PRKDC: variants seen among roughly 807,000 people sequenced by gnomAD.
The protein encoded by PRKDC is DNA-dependent protein kinase catalytic subunit.
Under a neutral mutation model 486.9 loss-of-function variants are expected in PRKDC, and 82 were observed. The observed-to-expected ratio is 0.17, with a 90% CI of 0.14 to 0.20. The LOEUF (loss-of-function observed/expected upper bound fraction) is 0.20, where lower values mean the gene tolerates loss of function less well. Ranked by LOEUF, PRKDC falls within the 10% of genes least tolerant of loss-of-function variation. The pLI, the probability that PRKDC is intolerant of heterozygous loss-of-function variation, is 1.00. For synonymous variants in PRKDC, 1,895 were observed against 1,837.0 expected, an observed-to-expected ratio of 1.03 and a Z score of -0.81; for missense variants, 4,504 against 5,038.2, an observed-to-expected ratio of 0.89 and a Z score of 3.21.
chr8:47,842,977 C>T (rs1287387406), intron 54 of PRKDC, among the ~76,000 whole-genome samples: 1 of 152,112 alleles, frequency 6.6e-6, no homozygotes, highest in Non-Finnish European at 1.5e-5. Flanking sequence ...CCAGCCTGGG[C>T]AACATGATGA....
At chr8:47,942,591 A>G (rs1258165527) in intron 10 of PRKDC, among the ~76,000 whole-genome samples, 1 of 152,178 alleles carries the variant, frequency 6.6e-6, no homozygotes, top group Non-Finnish European at 1.5e-5. Flanking sequence ...GGCCCCTAAG[A>G]AAACATTTGT....
intron 61 of PRKDC, among the ~76,000 whole-genome samples, chr8:47,830,053 A>C (rs959619076): frequency 6.6e-6 from 1 of 152,202 alleles, no homozygotes; most frequent in African/African-American, 2.4e-5. Context: ...GTAACCAAAA[A>C]GCATGGTACT....
chr8:47,804,296 C>CTTT (rs767946033), intron 69 of PRKDC, among the ~76,000 whole-genome samples: 13 of 135,908 alleles, frequency 9.6e-5, no homozygotes, highest in African/African-American at 1.1e-4. Context: ...GGACATGCCA[C>CTTT]TTTTTTTTTT....
At chr8:47,837,109 T>C (rs1236507530) in intron 57 of PRKDC, 103 bp downstream of exon 57, 2 of 1,221,384 alleles carry the variant, frequency 1.6e-6, no homozygotes, top group African/African-American at 1.5e-5. Flanking sequence ...CAGAAAGGAA[T>C]GTGTATTCTG....
At chr8:47,835,620 C>CAA (rs71548446) in intron 58 of PRKDC, among the ~76,000 whole-genome samples, 1,628 of 20,396 alleles carry the variant, frequency 0.08, 351 homozygotes, top group Non-Finnish European at 0.1. Flanking sequence ...GACTCTGTCT[C>CAA]AAAAAAAAAA....
At chr8:47,853,500 T>TGCTCCTTTTATGATGTCCC in intron 51 of PRKDC, among the ~76,000 whole-genome samples, 1 of 152,250 alleles carries the variant, frequency 6.6e-6, no homozygotes, top group Admixed American at 6.5e-5. Context: ...AAAGATGTCC[T>TGCTCCTTTTATGATGTCCC]GCTCCTTTTA....
At chr8:47,796,932 G>T (rs2154498088) in intron 73 of PRKDC, among the ~76,000 whole-genome samples, 1 of 152,178 alleles carries the variant, frequency 6.6e-6, no homozygotes, top group Admixed American at 6.5e-5. Flanking sequence ...TTCTTTTTCT[G>T]TATAGAAGTC....
chr8:47,805,221 C>T (rs1262336333), intron 69 of PRKDC: 7 of 152,224 alleles, frequency 4.6e-5, no homozygotes, highest in Admixed American at 3.9e-4. Flanking sequence ...CTGTTTTCCA[C>T]AGCAGATGCA....
Position 47,885,958 on chromosome 8 carries a change from C to A in PRKDC, c.4762G>T (p.Asp1588Tyr), listed in dbSNP as rs371148497. The part of the protein sequence containing the change: ...AVLELMQSSV[D>Y]NTKMVSAVLN... ...AACTTTGTTACCATTTTGGTATTAT[C>A]CACTGAAGACTGCATGAGCTCCAAT... is the stretch of plus-strand genomic sequence containing the variant. The change falls in exon 36 of 86, where the codon GAT becomes TAT. Residue 1588 changes from aspartate to tyrosine, a missense_variant. Physicochemically the swap from Asp to Tyr is radical, Grantham distance 160 (BLOSUM62 -3). Transcript: ENST00000314191. The A allele has an allele frequency of 4.3e-6, 7 of 1,613,008 alleles. No individual in the cohort carries two copies. The highest frequency in any genetic ancestry group is 4.2e-6 in the Non-Finnish European group (5 of 1,179,266).
Position 47,889,029 on chromosome 8 carries a change from T to C in PRKDC, c.4265A>G (p.Lys1422Arg). Residue 1422 changes from lysine (K) to arginine (R), a missense_variant, in exon 33 of 86, where the codon AAA becomes AGA. This residue lies in a region of PRKDC where 1,969 missense variants were observed against 2,068.9 expected (regional missense o/e 0.95). Transcript: ENST00000314191. Reference sequence around the variant, plus strand: ...AAGTACCCACCTCTGTGCTGTTATTTTCTCTCTCAGATGGGTCTCTAGGAT... The same window carrying C: ...AAGTACCCACCTCTGTGCTGTTATTCTCTCTCTCAGATGGGTCTCTAGGAT... ...KDILETHLRE[K>R]ITAQSIEELC... 6.2e-7 allele frequency: 1 copy of C among 1,613,812 alleles called. No individual in the cohort carries two copies. The highest frequency in any genetic ancestry group is 1.3e-5 in the African/African-American group (1 of 75,044).
intron 48 of PRKDC, among the ~76,000 whole-genome samples, chr8:47,858,155 T>C (rs528761489): frequency 1.6e-4 from 24 of 152,038 alleles, no homozygotes; most frequent in South Asian, 1.2e-3. Flanking sequence ...GTTTTTCATA[T>C]AGAGTTAACA....
chr8:47,917,384 C>T (rs1162690657), intron 22 of PRKDC, among the ~76,000 whole-genome samples: 1 of 152,186 alleles, frequency 6.6e-6, no homozygotes, highest in Non-Finnish European at 1.5e-5. Context: ...ATTCTAGTCT[C>T]TCAATCAAAA....
chr8:47,860,826 T>G, intron 45 of PRKDC, 73 bp downstream of exon 45: 1 of 1,178,944 alleles, frequency 8.5e-7, no homozygotes, highest in African/African-American at 1.6e-5. Flanking sequence ...ACTCCTCTAT[T>G]TGTCTTAGAA....
Position 47,936,357 on chromosome 8 carries a change from T to A in PRKDC, c.1274A>T (p.Asp425Val). ...TGCTCAGTTTAGTTCACTTACTGTG[T>A]CAAGGTACAGCAAGACGCTTGCAAC... ...QSVASVLLYL[D>V]TVPEVYTPVL... Residue 425 changes from aspartate (D) to valine (V), a missense_variant, in exon 12 of 86, where the codon GAC becomes GTC. Asp to Val is a radical substitution (Grantham distance 152). Transcript: ENST00000314191. 6.2e-7 allele frequency: 1 copy of A among 1,609,374 alleles called. No individual in the cohort carries two copies. Among genetic ancestry groups the A allele is most frequent in the Non-Finnish European group, 8.5e-7 (1 of 1,177,496 alleles).
intron 40 of PRKDC, among the ~76,000 whole-genome samples, chr8:47,865,926 C>T (rs1021027559): frequency 2.0e-5 from 3 of 152,000 alleles, no homozygotes; most frequent in African/African-American, 7.3e-5. Flanking sequence ...GAGGCCGAGG[C>T]GGGTGGATCA....
chr8:47,945,227 T>C (rs2090512447), intron 7 of PRKDC, among the ~76,000 whole-genome samples: 1 of 152,188 alleles, frequency 6.6e-6, no homozygotes, highest in African/African-American at 2.4e-5. Flanking sequence ...TGTAGAAGCA[T>C]GGTCTTGTAT....
In PRKDC at chr8:47,955,795, A is replaced by C. The variant is rs563545745; in HGVS notation, c.399+79T>G. On this transcript the variant is annotated intron_variant, in intron 4 of 85. Transcript: ENST00000314191. ...TATCCTTCCCCAAACACATCACCCA[A>C]AACACAACTCAAAACTCTGATTTTC... The C allele has an allele frequency of 1.5e-5, 18 of 1,209,496 alleles. No homozygotes were observed. The African/African-American group carries it at 2.6e-4, about 18-fold the overall frequency. The allele number at this position is 1,209,496 out of a possible 1,614,324, so 74.9% of individuals were successfully genotyped here. A position where few individuals can be genotyped will look rare whatever the true frequency, so the allele number is the denominator to read the frequency against.
At chr8:47,863,951 G>C (rs914712417) in intron 41 of PRKDC, among the ~76,000 whole-genome samples, 5 of 152,148 alleles carry the variant, frequency 3.3e-5, no homozygotes, top group Non-Finnish European at 7.3e-5. Context: ...ACAGGATTCC[G>C]AGGGAGGCTG....
At position 47,891,713 on chromosome 8, in the gene PRKDC, T is replaced by C. The variant is rs1359069654; in HGVS notation, c.3848-1233A>G. Among the ~76,000 whole-genome samples, 6 of 151,974 alleles carry C rather than the reference T, an allele frequency of 3.9e-5. No homozygotes were observed. In the East Asian group the frequency reaches 7.7e-4, roughly 20 times the overall value. On this transcript the variant is annotated intron_variant, in intron 31 of 85. Transcript: ENST00000314191. The stretch of plus-strand genomic sequence containing the variant: ...CCAGCCTGGGCGACGGAGACTCCAT[T>C]TCAAAAAAGAAAAAAACTAATTATT...
Sources: allele counts gnomAD v4.1 joint callset (sites outside exome capture counted in the v4.1 genomes callset), GRCh38; gene constraint gnomAD v4.1.1; regional missense constraint gnomAD v4.1.1; transcripts MANE v1.5; gene names NCBI Gene and HGNC (gene_info 2026-07-23, HGNC 2026-07-21).